Variants in VAV3 observed in about 807,000 individuals in gnomAD.
VAV3 encodes the protein vav guanine nucleotide exchange factor 3, also known as guanine nucleotide exchange factor VAV3.
A neutral mutation model predicts 131.2 loss-of-function variants in VAV3; 94 were observed. The ratio of observed to expected loss-of-function variants is 0.72; its 90% CI spans 0.61 to 0.85. The LOEUF is 0.85. Among genes scored for constraint, VAV3 ranks in the 40% least tolerant of loss-of-function variants. The pLI, the probability that VAV3 is intolerant of heterozygous loss-of-function variation, is 0.00. For synonymous variants in VAV3, 349 were observed against 342.0 expected, an observed-to-expected ratio of 1.02 and a Z score of -0.22; for missense variants, 939 against 1,002.7, an observed-to-expected ratio of 0.94 and a Z score of 0.86.
chr1:107,797,916 T>C (rs1666625610), intron 2 of VAV3, among the ~76,000 whole-genome samples: 1 of 152,200 alleles, frequency 6.6e-6, no homozygotes, highest in Admixed American at 6.5e-5. Context: ...GAATTTGTAC[T>C]TCTAGCAAGT....
intron 2 of VAV3, among the ~76,000 whole-genome samples, chr1:107,863,798 T>C (rs993160515): frequency 2.4e-4 from 36 of 152,326 alleles, no homozygotes; most frequent in Admixed American, 1.1e-3. Context: ...AGAGGAATCC[T>C]TGAAACAGCA....
intron 20 of VAV3, among the ~76,000 whole-genome samples, chr1:107,639,914 C>A (rs1655214498): frequency 1.4e-5 from 2 of 146,502 alleles, no homozygotes; most frequent in African/African-American, 5.1e-5. Flanking sequence ...CCAGCCTGGG[C>A]AACAGAGGAA....
At chr1:107,617,682 G>T in intron 20 of VAV3, 50 bp from the exon 21 acceptor site, 1 of 1,554,818 alleles carries the variant, frequency 6.4e-7, no homozygotes, top group South Asian at 1.1e-5. Context: ...TACCACAAAT[G>T]ATAACCCCAT....
chr1:107,657,424 G>C (rs1004582330), intron 19 of VAV3, among the ~76,000 whole-genome samples: 1 of 152,122 alleles, frequency 6.6e-6, no homozygotes, highest in African/African-American at 2.4e-5. Flanking sequence ...CAAATGTTAT[G>C]GCCTATGTTC....
At chr1:107,705,547 A>G (rs552838575) in intron 15 of VAV3, among the ~76,000 whole-genome samples, 2 of 152,330 alleles carry the variant, frequency 1.3e-5, no homozygotes, top group Middle Eastern at 6.8e-3. Flanking sequence ...AAAATAAAGC[A>G]TTAGTGTGAA....
intron 19 of VAV3, chr1:107,669,150 T>TC (rs1415162211): frequency 1.9e-6 from 2 of 1,072,110 alleles, no homozygotes; most frequent in African/African-American, 3.4e-5. Context: ...GCACTTTCAT[T>TC]CTATTTCACC....
intron 19 of VAV3, among the ~76,000 whole-genome samples, chr1:107,646,767 A>C (rs1170033326): frequency 6.6e-6 from 1 of 152,056 alleles, no homozygotes; most frequent in Non-Finnish European, 1.5e-5. Context: ...CAAATTAGCA[A>C]TATTAAAAGG....
At position 107,963,109 on chromosome 1, in the gene VAV3, G is replaced by T. The variant is rs41481845; in HGVS notation, c.204+1557C>A. On this transcript the variant is annotated intron_variant, in intron 1 of 26. Transcript: ENST00000370056. ...AAATAAAGGCTTCGAGGTTTAAAAAGGTCTTCAGCTGTCCAGAAAACGTGA... is the reference window on the plus strand; with the variant it reads ...AAATAAAGGCTTCGAGGTTTAAAAATGTCTTCAGCTGTCCAGAAAACGTGA... 7.3e-3 allele frequency among the ~76,000 whole-genome samples: 1,119 copies of T among 152,260 alleles called. 40 individuals are homozygous for T. The East Asian group carries it at 0.12, about 16-fold the overall frequency.
At chr1:107,629,622 AAAG>A (rs1218467124) in intron 20 of VAV3, among the ~76,000 whole-genome samples, 62 of 152,318 alleles carry the variant, frequency 4.1e-4, no homozygotes, top group African/African-American at 9.6e-4. Context: ...AGGAAGAAAA[AAAG>A]AAGAAGACAA....
In VAV3 at chr1:107,843,175, A is replaced by G. The variant is rs192794702; in HGVS notation, c.321+31726T>C. ...GGCATAATGCTCCTGGGTGGGCATT[A>G]TAACTGACAGCTCTGGAATCAGGCT... On this transcript the variant is annotated intron_variant, in intron 2 of 26. Coordinates refer to ENST00000370056, the MANE Select transcript of VAV3 (RefSeq NM_006113.5). Among the ~76,000 whole-genome samples the G allele has an allele frequency of 2.8e-4, 43 of 152,084 alleles. 1 individual carries two copies. The East Asian group carries it at 5.6e-3, about 20-fold the overall frequency.
chr1:107,648,319 A>G (rs1655891127), intron 19 of VAV3, among the ~76,000 whole-genome samples: 2 of 152,056 alleles, frequency 1.3e-5, no homozygotes, highest in Non-Finnish European at 1.5e-5. Flanking sequence ...TGAATCAAGG[A>G]TGAAAGATAT....
intron 15 of VAV3, among the ~76,000 whole-genome samples, chr1:107,713,969 T>A (rs1660939754): frequency 6.6e-6 from 1 of 152,170 alleles, no homozygotes; most frequent in Non-Finnish European, 1.5e-5. Context: ...TTGTGCCGAA[T>A]GTTCAAATAC....
chr1:107,916,170 G>T (rs980613144), intron 1 of VAV3, among the ~76,000 whole-genome samples: 1 of 152,030 alleles, frequency 6.6e-6, no homozygotes, highest in Non-Finnish European at 1.5e-5. Flanking sequence ...AAAAGGGAAG[G>T]GGAGTGTTGC....
At chr1:107,637,853 A>G (rs1021712212) in intron 20 of VAV3, among the ~76,000 whole-genome samples, 3 of 152,230 alleles carry the variant, frequency 2.0e-5, no homozygotes, top group Non-Finnish European at 4.4e-5. Context: ...ATGAAACAAT[A>G]TATAAAAAAG....
At chr1:107,652,826 C>T (rs924379611) in intron 19 of VAV3, among the ~76,000 whole-genome samples, 4 of 151,978 alleles carry the variant, frequency 2.6e-5, no homozygotes. Flanking sequence ...GTGTAACTGA[C>T]ATTTTCCAAA....
chr1:107,961,113 T>C (rs983354183), intron 1 of VAV3, among the ~76,000 whole-genome samples: 5 of 152,292 alleles, frequency 3.3e-5, no homozygotes, highest in African/African-American at 9.6e-5. Context: ...GAAGGAATCC[T>C]TGAAGTCTGA....
Position 107,716,709 on chromosome 1 carries a change from T to C in VAV3, c.1503-11648A>G, listed in dbSNP as rs539460370. Among the ~76,000 whole-genome samples the C allele has an allele frequency of 2.2e-4, 34 of 152,290 alleles. No homozygotes were observed. In the South Asian group the frequency reaches 4.6e-3, roughly 20 times the overall value. On this transcript the variant is annotated intron_variant, in intron 15 of 26. Transcript: ENST00000370056. ...TCTAAAATTCTTTTTTTGTTGTTGT[T>C]GTGTCTCTGCCAGGCTTTGGTATCA... is the stretch of plus-strand genomic sequence containing the variant.
rs1353417752 is a variant in VAV3, at chr1:107,770,625, T to C, written c.648+11A>G. 4 of 1,565,042 alleles carry C rather than the reference T, an allele frequency of 2.6e-6. No individual in the cohort carries two copies. The highest frequency in any genetic ancestry group is 1.1e-5 in the South Asian group (1 of 89,506). ...GTATTTGGGCATCAAAAATAATACC[T>C]GATGACTTACCTTTTCTATTGACTC... On this transcript the variant is annotated intron_variant, in intron 6 of 26. Transcript: ENST00000370056.
intron 17 of VAV3, among the ~76,000 whole-genome samples, chr1:107,703,388 T>A (rs1660251167): frequency 1.3e-5 from 2 of 152,130 alleles, no homozygotes; most frequent in South Asian, 4.1e-4. Context: ...CCGACCCCCA[T>A]CAGTAAATGT....
Sources: allele counts gnomAD v4.1 joint callset (sites outside exome capture counted in the v4.1 genomes callset), GRCh38; gene constraint gnomAD v4.1.1; transcripts MANE v1.5; gene names NCBI Gene and HGNC (gene_info 2026-07-23, HGNC 2026-07-21).